Variants in GSK3B observed in about 807,000 individuals in gnomAD.
The protein encoded by GSK3B is glycogen synthase kinase-3 beta.
Under a neutral mutation model 56.4 loss-of-function variants are expected in GSK3B, and 15 were observed. That is an observed-to-expected ratio of 0.27 (90% CI 0.18 to 0.41). GSK3B has a LOEUF of 0.41. GSK3B is among the 10% of genes least tolerant of loss of function. The pLI is 1.00. For missense variants in GSK3B, 300 were observed against 513.4 expected, an observed-to-expected ratio of 0.58 and a Z score of 4.02; for synonymous variants, 181 against 188.9, an observed-to-expected ratio of 0.96 and a Z score of 0.34.
intron 1 of GSK3B, among the ~76,000 whole-genome samples, chr3:120,071,342 T>C (rs2058324620): frequency 6.6e-6 from 1 of 152,188 alleles, no homozygotes; most frequent in South Asian, 2.1e-4. Context: ...GTTATATGAG[T>C]ATCCTATATA....
intron 2 of GSK3B, among the ~76,000 whole-genome samples, chr3:119,963,532 C>A (rs1213401215): frequency 6.7e-6 from 1 of 148,494 alleles, no homozygotes; most frequent in Non-Finnish European, 1.5e-5. Flanking sequence ...GGTGGGAGAT[C>A]GCCTGAACCT....
chr3:120,077,174 T>C (rs184503481), intron 1 of GSK3B, among the ~76,000 whole-genome samples: 170 of 152,308 alleles, frequency 1.1e-3, no homozygotes, highest in Middle Eastern at 3.4e-3. Context: ...TTTGGGTATA[T>C]ACAAAATATT....
chr3:119,886,706 G>C (rs115433152), intron 7 of GSK3B, among the ~76,000 whole-genome samples: 1 of 151,952 alleles, frequency 6.6e-6, no homozygotes, highest in Non-Finnish European at 1.5e-5. Context: ...AAAAAATTAC[G>C]TCCTTTGCAA....
At chr3:120,026,655 T>C (rs1395652820) in intron 1 of GSK3B, among the ~76,000 whole-genome samples, 3 of 151,220 alleles carry the variant, frequency 2.0e-5, no homozygotes, top group Non-Finnish European at 4.4e-5. Flanking sequence ...CCTCCCAGGT[T>C]CAAGTGATTC....
intron 2 of GSK3B, among the ~76,000 whole-genome samples, chr3:119,967,102 G>A (rs555348138): frequency 2.4e-4 from 36 of 150,576 alleles, no homozygotes; most frequent in African/African-American, 8.3e-4. Context: ...TTTTTTAGAC[G>A]GAGTCTTGCT....
At chr3:120,029,491 T>C in intron 1 of GSK3B, 1 of 662,464 alleles carries the variant, frequency 1.5e-6, no homozygotes, top group Non-Finnish European at 2.9e-6. Context: ...GCAGGTGTTA[T>C]TTCCAATTGT....
At chr3:119,898,967 T>C (rs762896783) in intron 7 of GSK3B, among the ~76,000 whole-genome samples, 2 of 152,104 alleles carry the variant, frequency 1.3e-5, no homozygotes, top group Non-Finnish European at 2.9e-5. Flanking sequence ...AATGCCTATG[T>C]GGTAAGATGA....
chr3:119,988,063 TAA>T (rs1018566169), intron 2 of GSK3B, among the ~76,000 whole-genome samples: 9 of 152,200 alleles, frequency 5.9e-5, no homozygotes, highest in Non-Finnish European at 1.3e-4. Flanking sequence ...GGTGGTTTTA[TAA>T]TCAGCTATAA....
intron 6 of GSK3B, among the ~76,000 whole-genome samples, chr3:119,907,634 AG>A (rs758598770): frequency 6.6e-6 from 1 of 152,190 alleles, no homozygotes; most frequent in Non-Finnish European, 1.5e-5. Flanking sequence ...ACTGAATTTT[AG>A]TTAGTTGGGG....
intron 7 of GSK3B, among the ~76,000 whole-genome samples, chr3:119,902,310 A>G (rs941264480): frequency 6.6e-6 from 1 of 152,176 alleles, no homozygotes; most frequent in African/African-American, 2.4e-5. Context: ...TATATATTTA[A>G]CATTTGAAGA....
intron 1 of GSK3B, among the ~76,000 whole-genome samples, chr3:120,039,684 G>A (rs952836366): frequency 6.6e-6 from 1 of 152,302 alleles, no homozygotes; most frequent in African/African-American, 2.4e-5. Context: ...AATCGGGTCT[G>A]CTTAGATTGT....
intron 1 of GSK3B, among the ~76,000 whole-genome samples, chr3:120,070,040 C>T (rs1290826278): frequency 6.6e-6 from 1 of 151,936 alleles, no homozygotes; most frequent in Non-Finnish European, 1.5e-5. Flanking sequence ...TGGCGAAACC[C>T]CGTCTATACT....
At chr3:119,929,428 A>C (rs979136217) in intron 3 of GSK3B, among the ~76,000 whole-genome samples, 2 of 152,228 alleles carry the variant, frequency 1.3e-5, no homozygotes, top group African/African-American at 4.8e-5. Context: ...ATACCACTAC[A>C]TTCCAATTTA....
At chr3:119,940,594 A>G (rs1210609575) in intron 3 of GSK3B, among the ~76,000 whole-genome samples, 1 of 152,178 alleles carries the variant, frequency 6.6e-6, no homozygotes, top group African/African-American at 2.4e-5. Flanking sequence ...TGGGGGCTCA[A>G]ATCTCATCAA....
rs533106281 is a variant in GSK3B at position 120,041,780 on chromosome 3, A to T, written c.89-39541T>A. On this transcript the variant is annotated intron_variant, in intron 1 of 10. Coordinates refer to ENST00000264235, the MANE Select transcript of GSK3B (RefSeq NM_001146156.2). The stretch of plus-strand genomic sequence containing the variant: ...AGTTCTTTATAGATGGCTCCTCCCA[A>T]GTGATTGAAGGAAAAAGACACAATG... 6.2e-4 allele frequency among the ~76,000 whole-genome samples: 94 copies of T among 152,348 alleles called. No individual in the cohort carries two copies. In the South Asian group the frequency reaches 0.019, roughly 31 times the overall value.
chr3:120,053,622 G>A (rs890813082), intron 1 of GSK3B, among the ~76,000 whole-genome samples: 33 of 152,062 alleles, frequency 2.2e-4, no homozygotes, highest in African/African-American at 5.8e-4. Flanking sequence ...TACATTAAAC[G>A]GCCCCTGAAT....
chr3:120,013,660 T>C (rs2057798046), intron 1 of GSK3B, among the ~76,000 whole-genome samples: 1 of 152,176 alleles, frequency 6.6e-6, no homozygotes, highest in Non-Finnish European at 1.5e-5. Flanking sequence ...AGCATTTTCA[T>C]GACATTTTCT....
In GSK3B at chr3:119,876,512, G is replaced by A; in HGVS notation, c.814-4C>T. 6.6e-7 allele frequency: 1 copy of A among 1,516,848 alleles called. No homozygotes were observed. Among genetic ancestry groups the A allele is most frequent in the East Asian group, 2.3e-5 (1 of 44,348 alleles). The allele number at this position is 1,516,848 out of a possible 1,614,324, so 94.0% of individuals were successfully genotyped here. A position where few individuals can be genotyped will look rare whatever the true frequency, so the allele number is the denominator to read the frequency against. On this transcript the variant is annotated splice_polypyrimidine_tract_variant and splice_region_variant and intron_variant, in intron 7 of 10. Coordinates refer to ENST00000264235, the MANE Select transcript of GSK3B (RefSeq NM_001146156.2). ...CCCTTGTTGGAGTTCCCAGGACCTAGAAAGAAAGCAAGTTATTGCCATCTT... is the reference window on the plus strand; with the variant it reads ...CCCTTGTTGGAGTTCCCAGGACCTAAAAAGAAAGCAAGTTATTGCCATCTT...
At chr3:119,932,826 T>C (rs1016145976) in intron 3 of GSK3B, among the ~76,000 whole-genome samples, 1 of 152,124 alleles carries the variant, frequency 6.6e-6, no homozygotes, top group Non-Finnish European at 1.5e-5. Context: ...CATGGAAATA[T>C]AGGCTGGGTA....
Sources: allele counts gnomAD v4.1 joint callset (sites outside exome capture counted in the v4.1 genomes callset), GRCh38; gene constraint gnomAD v4.1.1; transcripts MANE v1.5; gene names NCBI Gene and HGNC (gene_info 2026-07-23, HGNC 2026-07-21).